RIT2: variants seen among roughly 807,000 people sequenced by gnomAD.
The protein encoded by RIT2 is GTP-binding protein Rit2.
Under a neutral mutation model 23.7 loss-of-function variants are expected in RIT2, and 24 were observed. The ratio of observed to expected loss-of-function variants is 1.01; its 90% CI spans 0.73 to 1.43. The LOEUF is 1.43. Among genes scored for constraint, RIT2 ranks in the 40% most tolerant of loss-of-function variants. RIT2 has a pLI of 0.00. For missense variants in RIT2, 236 were observed against 266.9 expected (o/e 0.88, Z 0.81); for synonymous variants, 107 against 91.1 (o/e 1.17, Z -0.99).
intron 1 of RIT2, among the ~76,000 whole-genome samples, chr18:43,037,881 C>T (rs1289776321): frequency 2.0e-5 from 3 of 152,006 alleles, no homozygotes; most frequent in African/African-American, 7.3e-5. Context: ...TCTTTATAGT[C>T]CGCTAGTTTT....
intron 3 of RIT2, among the ~76,000 whole-genome samples, chr18:42,926,848 G>T (rs1909191867): frequency 6.6e-6 from 1 of 151,878 alleles, no homozygotes; most frequent in South Asian, 2.1e-4. Flanking sequence ...CTCAAGAGTG[G>T]TCTTTATATT....
rs546366320 is a variant in RIT2 at position 42,852,875 on chromosome 18, C to T, written c.426+70697G>A. ...TTTAGACAGAGCCTTTCTCTGTCTC[C>T]CAGGCTGGAATGCAGTGGTGCAATC... On this transcript the variant is annotated intron_variant, in intron 4 of 4. Transcript: ENST00000326695. Among the ~76,000 whole-genome samples, 5 of 146,720 alleles carry T rather than the reference C, an allele frequency of 3.4e-5. No individual in the cohort carries two copies. The South Asian group carries it at 8.9e-4, about 26-fold the overall frequency.
At position 42,875,964 on chromosome 18, in the gene RIT2, A is replaced by G. The variant is rs529290335; in HGVS notation, c.426+47608T>C. 1.2e-3 allele frequency among the ~76,000 whole-genome samples: 181 copies of G among 152,190 alleles called. 4 individuals carry two copies. The South Asian group carries it at 0.017, about 14-fold the overall frequency. On this transcript the variant is annotated intron_variant, in intron 4 of 4. Coordinates refer to ENST00000326695, the MANE Select transcript of RIT2 (RefSeq NM_002930.4). ...TCACCACAGAGTTTGTGAAGGAGAT[A>G]GTTTGGAAAGGGCTTCCCTTAACCT...
rs1312534687 is a variant in RIT2, at chr18:43,111,301, G to A, written c.103+4116C>T. On this transcript the variant is annotated intron_variant, in intron 1 of 4. Transcript: ENST00000326695. ...AATGATGGCTACCAGAGGCTGGAAA[G>A]GGTAGTAGGAAGAGGGAGTGGAGAT... 2.0e-5 allele frequency among the ~76,000 whole-genome samples: 3 copies of A among 152,146 alleles called. No homozygotes were observed. In the East Asian group the frequency reaches 5.8e-4, roughly 29 times the overall value.
At chr18:42,923,032 G>A (rs1047411878) in intron 4 of RIT2, among the ~76,000 whole-genome samples, 1 of 152,120 alleles carries the variant, frequency 6.6e-6, no homozygotes, top group Admixed American at 6.6e-5. Flanking sequence ...ATCCAGACAA[G>A]GCTTACCTGG....
At chr18:42,869,950 C>CTTCCCA (rs1015208731) in intron 4 of RIT2, among the ~76,000 whole-genome samples, 37 of 152,240 alleles carry the variant, frequency 2.4e-4, no homozygotes, top group Non-Finnish European at 4.4e-4. Context: ...CACCTCCAGA[C>CTTCCCA]TTCCCATTGG....
intron 4 of RIT2, among the ~76,000 whole-genome samples, chr18:42,783,069 G>C (rs117830895): frequency 6.6e-6 from 1 of 152,150 alleles, no homozygotes; most frequent in East Asian, 1.9e-4. Flanking sequence ...TAGATGCTGC[G>C]TTTAAAATAC....
intron 3 of RIT2, among the ~76,000 whole-genome samples, chr18:42,937,061 CAT>C (rs575342217): frequency 3.4e-4 from 51 of 150,922 alleles, no homozygotes; most frequent in African/African-American, 1.2e-3. Context: ...GAACCACAAA[CAT>C]AACATTTGAT....
At chr18:42,829,935 T>G (rs954015558) in intron 4 of RIT2, among the ~76,000 whole-genome samples, 1 of 152,036 alleles carries the variant, frequency 6.6e-6, no homozygotes, top group Non-Finnish European at 1.5e-5. Flanking sequence ...TGGCAAGGAC[T>G]AAAAAGTAAT....
At chr18:42,781,608 A>T (rs943597506) in intron 4 of RIT2, among the ~76,000 whole-genome samples, 5 of 152,178 alleles carry the variant, frequency 3.3e-5, no homozygotes, top group Admixed American at 3.3e-4. Flanking sequence ...ACCCAGAGGA[A>T]TGGTAAAATT....
At chr18:42,920,933 T>C (rs1324970341) in intron 4 of RIT2, among the ~76,000 whole-genome samples, 3 of 151,878 alleles carry the variant, frequency 2.0e-5, no homozygotes, top group Non-Finnish European at 4.4e-5. Flanking sequence ...TATTTTTCTT[T>C]TGAGTCTGCT....
At chr18:43,000,470 T>C (rs1017389889) in intron 2 of RIT2, among the ~76,000 whole-genome samples, 2 of 152,032 alleles carry the variant, frequency 1.3e-5, no homozygotes, top group African/African-American at 4.8e-5. Context: ...TTAATATCTA[T>C]GGACAGGATG....
chr18:42,743,379 A>T lies in RIT2; in HGVS notation c.*114T>A. ...GCAGAGCTTGCTTTTACCTACAGGC[A>T]GATATTTAAAGAGAGAGAGACACAT... On this transcript the variant is annotated 3_prime_UTR_variant, in exon 5 of 5. Transcript: ENST00000326695. 2.6e-6 allele frequency: 2 copies of T among 768,872 alleles called. No homozygotes were observed. The highest frequency in any genetic ancestry group is 2.1e-6 in the Non-Finnish European group (1 of 468,148). 47.6% of individuals were successfully genotyped at this position (768,872 alleles called of 1,614,324 possible). A position where few individuals can be genotyped will look rare whatever the true frequency, so the allele number is the denominator to read the frequency against.
intron 4 of RIT2, among the ~76,000 whole-genome samples, chr18:42,887,867 A>G (rs1295855589): frequency 6.6e-6 from 1 of 152,168 alleles, no homozygotes; most frequent in African/African-American, 2.4e-5. Context: ...GACATGGAAG[A>G]AGCTTAAATG....
chr18:42,885,124 T>C (rs1461489853), intron 4 of RIT2, among the ~76,000 whole-genome samples: 1 of 152,198 alleles, frequency 6.6e-6, no homozygotes, highest in Non-Finnish European at 1.5e-5. Flanking sequence ...CTCAAAAGTA[T>C]TGCTGGCAGC....
intron 4 of RIT2, among the ~76,000 whole-genome samples, chr18:42,833,146 AAC>A (rs1906507553): frequency 6.6e-6 from 1 of 150,780 alleles, no homozygotes; most frequent in Admixed American, 6.7e-5. Context: ...CTCCTCCCCC[AAC>A]ACACACCCTT....
At chr18:43,076,743 A>C (rs1913027892) in intron 1 of RIT2, among the ~76,000 whole-genome samples, 1 of 152,152 alleles carries the variant, frequency 6.6e-6, no homozygotes, top group African/African-American at 2.4e-5. Context: ...GATGATCTAG[A>C]CATAAGTTAA....
At chr18:43,040,023 G>T (rs1912090152) in intron 1 of RIT2, among the ~76,000 whole-genome samples, 1 of 152,202 alleles carries the variant, frequency 6.6e-6, no homozygotes, top group South Asian at 2.1e-4. Flanking sequence ...AGAGAAAAGT[G>T]TAAGAAAGAC....
At chr18:43,066,447 TA>T (rs1315476069) in intron 1 of RIT2, among the ~76,000 whole-genome samples, 1 of 152,196 alleles carries the variant, frequency 6.6e-6, no homozygotes, top group African/African-American at 2.4e-5. Context: ...ACTTACAGAA[TA>T]AATATTTCAG....
Sources: allele counts gnomAD v4.1 joint callset (sites outside exome capture counted in the v4.1 genomes callset), GRCh38; gene constraint gnomAD v4.1.1; transcripts MANE v1.5; gene names NCBI Gene and HGNC (gene_info 2026-07-23, HGNC 2026-07-21).